CAB39L: variants seen among roughly 807,000 people sequenced by gnomAD.
CAB39L encodes the protein calcium binding protein 39 like, also known as calcium-binding protein 39-like.
In CAB39L, 23 loss-of-function variants were observed where a neutral mutation model predicts 39.1. The ratio of observed to expected loss-of-function variants is 0.59; its 90% CI spans 0.42 to 0.83. The LOEUF is 0.83. Among genes scored for constraint, CAB39L ranks in the 40% least tolerant of loss-of-function variants. CAB39L has a pLI of 0.00. For missense variants in CAB39L, 366 were observed against 391.9 expected (o/e 0.93, Z 0.56); for synonymous variants, 126 against 137.2 (o/e 0.92, Z 0.57).
intron 5 of CAB39L, among the ~76,000 whole-genome samples, chr13:49,366,802 G>C (rs1366560961): frequency 6.6e-6 from 1 of 152,074 alleles, no homozygotes; most frequent in African/African-American, 2.4e-5. Flanking sequence ...GATCACCAGA[G>C]GTCAGGAGTT....
chr13:49,372,710 G>A (rs1566097781), intron 5 of CAB39L, among the ~76,000 whole-genome samples: 1 of 152,020 alleles, frequency 6.6e-6, no homozygotes, highest in Non-Finnish European at 1.5e-5. Flanking sequence ...TCGCTCTGTC[G>A]CCCAGTCTGG....
chr13:49,319,051 C>A (rs1198425415), intron 10 of CAB39L, among the ~76,000 whole-genome samples: 1 of 152,116 alleles, frequency 6.6e-6, no homozygotes, highest in Non-Finnish European at 1.5e-5. Context: ...CATGACCAGC[C>A]TAGCCAACAT....
intron 3 of CAB39L, among the ~76,000 whole-genome samples, chr13:49,406,269 G>A (rs528764389): frequency 6.2e-4 from 92 of 149,238 alleles, no homozygotes; most frequent in Middle Eastern, 3.6e-3. Flanking sequence ...CCAGGTTCAC[G>A]CCATTCTCCT....
intron 1 of CAB39L, among the ~76,000 whole-genome samples, chr13:49,442,804 A>AAAAAAC (rs1957558386): frequency 2.0e-5 from 3 of 149,072 alleles, no homozygotes; most frequent in African/African-American, 7.7e-5. Context: ...AAAAAAAAAA[A>AAAAAAC]AAAAAAAAAA....
intron 5 of CAB39L, among the ~76,000 whole-genome samples, chr13:49,366,264 A>G (rs1955766803): frequency 6.6e-6 from 1 of 152,202 alleles, no homozygotes; most frequent in South Asian, 2.1e-4. Context: ...AATGCTTGAG[A>G]GGATGGATAC....
chr13:49,415,032 C>T (rs1224270945), intron 3 of CAB39L, among the ~76,000 whole-genome samples: 2 of 151,440 alleles, frequency 1.3e-5, no homozygotes, highest in Non-Finnish European at 2.9e-5. Context: ...CCCATCTCTA[C>T]TAAAAATACA....
At chr13:49,433,457 C>A in intron 2 of CAB39L, 64 bp from the exon 3 acceptor site, 1 of 425,034 alleles carries the variant, frequency 2.4e-6, no homozygotes, top group Non-Finnish European at 4.6e-6. Flanking sequence ...AACATATTTT[C>A]TTATTGCTTT....
chr13:49,361,810 G>C (rs912375629), intron 5 of CAB39L, among the ~76,000 whole-genome samples: 2 of 151,908 alleles, frequency 1.3e-5, no homozygotes, highest in African/African-American at 4.8e-5. Context: ...CCTGGGATGA[G>C]TGCCCCTCTC....
Position 49,443,997 on chromosome 13 carries a change from G to A in CAB39L, c.-257C>T. ...AGCCTCACACCTACCGGAGGAAACAGCTGCGCCACCACTCCAGTGATGCCG... is the reference window on the plus strand; with the variant it reads ...AGCCTCACACCTACCGGAGGAAACAACTGCGCCACCACTCCAGTGATGCCG... On this transcript the variant is annotated 5_prime_UTR_variant, in exon 1 of 11. Coordinates refer to ENST00000409308, the MANE Select transcript of CAB39L (RefSeq NM_001079670.3). The A allele has an allele frequency of 2.2e-6, 1 of 456,768 alleles. No individual in the cohort carries two copies. Among genetic ancestry groups the A allele is most frequent in the Non-Finnish European group, 4.4e-6 (1 of 226,970 alleles). The allele number at this position is 456,768 out of a possible 1,614,324, so 28.3% of individuals were successfully genotyped here.
intron 10 of CAB39L, 55 bp from the exon 11 acceptor site, chr13:49,311,048 C>G (rs1180050016): frequency 2.0e-6 from 3 of 1,531,354 alleles, no homozygotes; most frequent in Non-Finnish European, 2.7e-6. Flanking sequence ...CTCACCCACG[C>G]TACAGCAGTG....
chr13:49,417,468 C>A (rs1194483592), intron 3 of CAB39L, among the ~76,000 whole-genome samples: 1 of 152,106 alleles, frequency 6.6e-6, no homozygotes, highest in Non-Finnish European at 1.5e-5. Flanking sequence ...CACTACTGTA[C>A]CAGATAGAAA....
chr13:49,364,553 C>T (rs756492927), intron 5 of CAB39L, among the ~76,000 whole-genome samples: 2 of 151,920 alleles, frequency 1.3e-5, no homozygotes, highest in Admixed American at 1.3e-4. Context: ...CTAAAGACTC[C>T]ACAAAAAAAC....
At chr13:49,317,722 T>TA (rs1954199685) in intron 10 of CAB39L, among the ~76,000 whole-genome samples, 1 of 152,130 alleles carries the variant, frequency 6.6e-6, no homozygotes, top group Non-Finnish European at 1.5e-5. Flanking sequence ...AATGGTTTCT[T>TA]AGATATGACA....
intron 3 of CAB39L, among the ~76,000 whole-genome samples, chr13:49,401,990 T>C (rs1753062589): frequency 6.6e-6 from 1 of 152,132 alleles, no homozygotes; most frequent in South Asian, 2.1e-4. Flanking sequence ...ATGAAAAAAA[T>C]GTATTTCTTA....
At chr13:49,315,346 G>C (rs914402519) in intron 10 of CAB39L, among the ~76,000 whole-genome samples, 1 of 151,918 alleles carries the variant, frequency 6.6e-6, no homozygotes, top group Non-Finnish European at 1.5e-5. Context: ...GAAGGAAAAG[G>C]GTTTCCTAAG....
chr13:49,313,547 G>T (rs996822981), intron 10 of CAB39L, among the ~76,000 whole-genome samples: 1 of 151,796 alleles, frequency 6.6e-6, no homozygotes, highest in Non-Finnish European at 1.5e-5. Context: ...CAGCAGGTCT[G>T]TGGTGGATGT....
intron 3 of CAB39L, among the ~76,000 whole-genome samples, chr13:49,429,718 G>A (rs532322969): frequency 1.3e-5 from 2 of 152,230 alleles, no homozygotes; most frequent in South Asian, 2.1e-4. Flanking sequence ...CAAGTACCTC[G>A]TTGAATTCTT....
intron 10 of CAB39L, among the ~76,000 whole-genome samples, chr13:49,327,663 G>T: frequency 6.6e-6 from 1 of 152,132 alleles, no homozygotes; most frequent in East Asian, 1.9e-4. Flanking sequence ...GTGTTCTTTT[G>T]CATGTTTTCA....
intron 3 of CAB39L, among the ~76,000 whole-genome samples, chr13:49,428,384 C>T (rs532664426): frequency 1.0e-3 from 156 of 152,144 alleles, no homozygotes; most frequent in Non-Finnish European, 2.0e-3. Flanking sequence ...TCAGCAAAAG[C>T]GTGATAAAGA....
Sources: gnomAD v4.1 joint callset for allele counts (sites outside exome capture counted in the v4.1 genomes callset) on GRCh38, gnomAD v4.1.1 for gene constraint, MANE v1.5 for transcripts, NCBI Gene and HGNC (gene_info 2026-07-23, HGNC 2026-07-21) for gene names.